ICOS: variants seen among roughly 807,000 people sequenced by gnomAD.
The protein encoded by ICOS is inducible T cell costimulator.
ICOS carries 15 observed loss-of-function variants against 24.6 expected under a neutral mutation model. That is an observed-to-expected ratio of 0.61 (90% CI 0.41 to 0.94). The LOEUF is 0.94. ICOS is among the 40% of genes least tolerant of loss of function. ICOS has a pLI of 0.00. For missense variants in ICOS, 200 were observed against 233.0 expected, an observed-to-expected ratio of 0.86 and a Z score of 0.92; for synonymous variants, 89 against 77.5, an observed-to-expected ratio of 1.15 and a Z score of -0.78.
chr2:203,946,564 A>C (rs1295893031), intron 1 of ICOS, among the ~76,000 whole-genome samples: 1 of 152,144 alleles, frequency 6.6e-6, no homozygotes, highest in Non-Finnish European at 1.5e-5. Context: ...GAAATGATGC[A>C]TATATAAAAA....
rs4264550 is a variant in ICOS, at chr2:203,956,771, C to T, written c.501+6C>T. ...TTTGTTGGCTTACAAAAAAGGTAAG[C>T]GATTTCTATCTTTCCTTGTATCTGC... On this transcript the variant is annotated splice_donor_region_variant and intron_variant, in intron 3 of 4. Coordinates refer to ENST00000316386, the MANE Select transcript of ICOS (RefSeq NM_012092.4). The T allele has an allele frequency of 0.15, 238,754 of 1,553,720 alleles. 19,510 individuals carry two copies. Among genetic ancestry groups the T allele is most frequent in the South Asian group, 0.26 (22,945 of 89,902 alleles).
At chr2:203,956,807 C>T (rs1690085744) in intron 3 of ICOS, 42 bp downstream of exon 3, 2 of 1,250,348 alleles carry the variant, frequency 1.6e-6, no homozygotes, top group Non-Finnish European at 2.4e-6. Flanking sequence ...TTTACAGATG[C>T]ACATCAGTGA....
At chr2:203,950,774 C>T (rs1300854363) in intron 1 of ICOS, among the ~76,000 whole-genome samples, 6 of 151,996 alleles carry the variant, frequency 3.9e-5, no homozygotes, top group Admixed American at 6.6e-5. Context: ...TAATTAAGAG[C>T]GTCCAGGCCA....
intron 1 of ICOS, among the ~76,000 whole-genome samples, chr2:203,943,946 C>T (rs2105746709): frequency 6.6e-6 from 1 of 152,262 alleles, no homozygotes; most frequent in Admixed American, 6.5e-5. Context: ...TCACAGGTCT[C>T]ATCCAGATCC....
chr2:203,957,821 A>G lies in ICOS; in HGVS notation c.524A>G (p.Asp175Gly). ...TKKKYSSSVH[D>G]PNGEYMFMRA... ...CAGAAGTATTCATCCAGTGTGCACGACCCTAACGGTGAATACATGTTCATG... is the reference window on the plus strand; with the variant it reads ...CAGAAGTATTCATCCAGTGTGCACGGCCCTAACGGTGAATACATGTTCATG... Residue 175 changes from aspartate to glycine, a missense_variant, in exon 4 of 5, where the codon GAC becomes GGC. Coordinates refer to ENST00000316386, the MANE Select transcript of ICOS (RefSeq NM_012092.4). 1 of 1,613,066 alleles carries G rather than the reference A, an allele frequency of 6.2e-7. No homozygotes were observed. Among genetic ancestry groups the G allele is most frequent in the Non-Finnish European group, 8.5e-7 (1 of 1,179,154 alleles).
At chr2:203,939,448 C>CTA (rs2105743356) in intron 1 of ICOS, among the ~76,000 whole-genome samples, 1 of 152,158 alleles carries the variant, frequency 6.6e-6, no homozygotes, top group Admixed American at 6.5e-5. Context: ...GAATGTCTAA[C>CTA]TACATTTTGA....
At position 203,936,875 on chromosome 2, in the gene ICOS, A is replaced by G; in HGVS notation, c.58+3A>G. ...CTTGCGCATTAAAGTTTTAACAGGT[A>G]AGTGGTGTATTGAATATTTCTTATT... On this transcript the variant is annotated splice_donor_region_variant and intron_variant, in intron 1 of 4. Transcript: ENST00000316386. The G allele has an allele frequency of 6.3e-7, 1 of 1,581,370 alleles. No homozygotes were observed. The highest frequency in any genetic ancestry group is 8.7e-7 in the Non-Finnish European group (1 of 1,151,198).
chr2:203,957,807 A>T lies in ICOS; in HGVS notation c.510A>T (p.Ser170=). The T allele has an allele frequency of 1.2e-6, 2 of 1,612,200 alleles. No homozygotes were observed. The highest frequency in any genetic ancestry group is 1.3e-5 in the African/African-American group (1 of 75,004). The change falls in exon 4 of 5, where the codon TCA becomes TCT. Residue 170 remains serine (S), a synonymous_variant. Coordinates refer to ENST00000316386, the MANE Select transcript of ICOS (RefSeq NM_012092.4). ...LICWLTKKKY[S]SSVHDPNGEY... is the part of the protein sequence containing the mutation. ...CTGGCTTTTTCTTTCAGAAGTATTC[A>T]TCCAGTGTGCACGACCCTAACGGTG...
chr2:203,942,486 G>A (rs901119137), intron 1 of ICOS, among the ~76,000 whole-genome samples: 1 of 152,168 alleles, frequency 6.6e-6, no homozygotes, highest in South Asian at 2.1e-4. Context: ...ATACATGATG[G>A]CTGATGAATG....
At chr2:203,952,733 C>T (rs1342857527) in intron 1 of ICOS, among the ~76,000 whole-genome samples, 1 of 151,974 alleles carries the variant, frequency 6.6e-6, no homozygotes, top group Non-Finnish European at 1.5e-5. Flanking sequence ...TTAAATTTTC[C>T]TGTGTACTAC....
intron 1 of ICOS, among the ~76,000 whole-genome samples, chr2:203,937,645 T>G (rs1689681313): frequency 1.3e-5 from 2 of 152,164 alleles, no homozygotes; most frequent in Admixed American, 1.3e-4. Context: ...AAAAGGAAAG[T>G]TAAGTAATAT....
At chr2:203,949,732 G>A (rs1419044626) in intron 1 of ICOS, among the ~76,000 whole-genome samples, 1 of 152,172 alleles carries the variant, frequency 6.6e-6, no homozygotes, top group Non-Finnish European at 1.5e-5. Flanking sequence ...AACAAGAAGA[G>A]AGAGATTGGT....
chr2:203,938,904 C>G (rs1689713619), intron 1 of ICOS, among the ~76,000 whole-genome samples: 1 of 152,140 alleles, frequency 6.6e-6, no homozygotes, highest in South Asian at 2.1e-4. Context: ...TAAATGGTAA[C>G]AATAAATCTG....
At chr2:203,946,257 C>T (rs1181423040) in intron 1 of ICOS, among the ~76,000 whole-genome samples, 1 of 152,014 alleles carries the variant, frequency 6.6e-6, no homozygotes, top group African/African-American at 2.4e-5. Context: ...AGGAGAAAAT[C>T]AATCTTTCAT....
At position 203,954,863 on chromosome 2, in the gene ICOS, AT is replaced by A. The variant is rs745541295; in HGVS notation, c.59-769del. Among the ~76,000 whole-genome samples the A allele has an allele frequency of 9.4e-5, 14 of 148,918 alleles. No homozygotes were observed. The South Asian group carries it at 2.7e-3, about 29-fold the overall frequency. ...ATATACATATACATATAATACATAT[AT>A]TTTAATATATAATATGTAATATACA... On this transcript the variant is annotated intron_variant, in intron 1 of 4. Transcript: ENST00000316386.
chr2:203,948,354 A>G (rs767737734), intron 1 of ICOS, among the ~76,000 whole-genome samples: 3 of 152,144 alleles, frequency 2.0e-5, no homozygotes, highest in Non-Finnish European at 4.4e-5. Context: ...GCTCTAGTTT[A>G]ATTTGATAAA....
At chr2:203,948,945 G>A (rs865952092) in intron 1 of ICOS, among the ~76,000 whole-genome samples, 7 of 152,340 alleles carry the variant, frequency 4.6e-5, no homozygotes, top group Middle Eastern at 3.4e-3. Flanking sequence ...GGGAGAGGTA[G>A]GAGAGGTCAT....
intron 1 of ICOS, among the ~76,000 whole-genome samples, chr2:203,953,090 T>C (rs941966529): frequency 1.3e-5 from 2 of 152,192 alleles, no homozygotes; most frequent in Non-Finnish European, 2.9e-5. Context: ...AGAAGATTTT[T>C]CTGGACCATC....
chr2:203,958,975 G>C (rs530767969), intron 4 of ICOS, among the ~76,000 whole-genome samples: 1 of 152,142 alleles, frequency 6.6e-6, no homozygotes, highest in Non-Finnish European at 1.5e-5. Flanking sequence ...CAGGGAGAGT[G>C]AGACAGCCAA....
Sources: gnomAD v4.1 joint callset for allele counts (sites outside exome capture counted in the v4.1 genomes callset) on GRCh38, gnomAD v4.1.1 for gene constraint, MANE v1.5 for transcripts, NCBI Gene and HGNC (gene_info 2026-07-23, HGNC 2026-07-21) for gene names.